ZNF804A: variants seen among roughly 807,000 people sequenced by gnomAD.
The protein encoded by ZNF804A is zinc finger protein 804A.
In ZNF804A, 2 loss-of-function variants were observed where a neutral mutation model predicts 16.5. The ratio of observed to expected loss-of-function variants is 0.12; its 90% CI spans 0.05 to 0.38. The LOEUF is 0.38. ZNF804A is among the 10% of genes least tolerant of loss of function. The probability of loss-of-function intolerance (pLI) is 0.99; values close to 1 mark genes in which losing one functional copy is unlikely to be tolerated. For missense variants in ZNF804A, 1,473 were observed against 1,390.7 expected (o/e 1.06, Z -0.94); for synonymous variants, 534 against 489.6 (o/e 1.09, Z -1.20).
intron 2 of ZNF804A, among the ~76,000 whole-genome samples, chr2:184,908,439 T>C (rs918544104): frequency 3.9e-5 from 6 of 152,162 alleles, no homozygotes; most frequent in African/African-American, 1.4e-4. Context: ...GACAATATTC[T>C]TCTTTTAAGG....
intron 1 of ZNF804A, among the ~76,000 whole-genome samples, chr2:184,618,182 A>G (rs1691356563): frequency 6.6e-6 from 1 of 152,234 alleles, no homozygotes; most frequent in Admixed American, 6.5e-5. Flanking sequence ...AAATCATTCA[A>G]TATTGCCTCC....
intron 1 of ZNF804A, among the ~76,000 whole-genome samples, chr2:184,609,201 T>C (rs192097946): frequency 1.9e-4 from 29 of 152,232 alleles, no homozygotes; most frequent in African/African-American, 6.7e-4. Context: ...TAGGATAAAA[T>C]TGGTTCTGAC....
At chr2:184,664,044 T>C (rs190669857) in intron 1 of ZNF804A, among the ~76,000 whole-genome samples, 2 of 152,358 alleles carry the variant, frequency 1.3e-5, no homozygotes, top group East Asian at 3.9e-4. Flanking sequence ...GGCTTGAATA[T>C]ATACTTTGTC....
At chr2:184,884,069 G>C (rs1421541962) in intron 2 of ZNF804A, among the ~76,000 whole-genome samples, 2 of 152,024 alleles carry the variant, frequency 1.3e-5, no homozygotes, top group Non-Finnish European at 2.9e-5. Context: ...CATAGTCTCT[G>C]CCCCAAAGCT....
chr2:184,718,322 G>T (rs1262108547), intron 1 of ZNF804A, among the ~76,000 whole-genome samples: 2 of 152,058 alleles, frequency 1.3e-5, no homozygotes, highest in African/African-American at 4.8e-5. Flanking sequence ...TGAGATTTGG[G>T]TGGGGACACA....
intron 1 of ZNF804A, among the ~76,000 whole-genome samples, chr2:184,660,956 G>A (rs964002060): frequency 1.3e-5 from 2 of 152,202 alleles, no homozygotes; most frequent in Non-Finnish European, 2.9e-5. Flanking sequence ...CCTTCCAGAA[G>A]TAGTTTGAAC....
At chr2:184,745,795 G>A (rs1023252189) in intron 1 of ZNF804A, among the ~76,000 whole-genome samples, 2 of 151,400 alleles carry the variant, frequency 1.3e-5, no homozygotes, top group Non-Finnish European at 3.0e-5. Context: ...GTGCCTTTAT[G>A]CCCTAGCATA....
At chr2:184,871,341 A>G (rs1300103362) in intron 2 of ZNF804A, among the ~76,000 whole-genome samples, 1 of 151,582 alleles carries the variant, frequency 6.6e-6, no homozygotes, top group Non-Finnish European at 1.5e-5. Flanking sequence ...GCAGTTGGTA[A>G]ACTCTGATGA....
At chr2:184,867,750 A>G (rs1156582568) in intron 2 of ZNF804A, among the ~76,000 whole-genome samples, 1 of 152,106 alleles carries the variant, frequency 6.6e-6, no homozygotes, top group Admixed American at 6.6e-5. Context: ...AGGAAATGGT[A>G]TTATTTTGTG....
chr2:184,814,918 C>A (rs929840845), intron 1 of ZNF804A, among the ~76,000 whole-genome samples: 1 of 151,988 alleles, frequency 6.6e-6, no homozygotes, highest in South Asian at 2.1e-4. Flanking sequence ...TTTTAAATAC[C>A]TGTAGCCCTT....
chr2:184,924,903 T>C (rs1453735242), intron 2 of ZNF804A, among the ~76,000 whole-genome samples: 1 of 151,978 alleles, frequency 6.6e-6, no homozygotes, highest in African/African-American at 2.4e-5. Context: ...TCAGAGAAGA[T>C]GCTTGATATT....
chr2:184,865,711 A>T (rs1695869119), intron 1 of ZNF804A, among the ~76,000 whole-genome samples: 1 of 152,142 alleles, frequency 6.6e-6, no homozygotes, highest in Admixed American at 6.5e-5. Context: ...ATTTACTGTG[A>T]GTATGATGAA....
At chr2:184,685,911 A>G (rs1692621373) in intron 1 of ZNF804A, among the ~76,000 whole-genome samples, 1 of 152,224 alleles carries the variant, frequency 6.6e-6, no homozygotes, top group Non-Finnish European at 1.5e-5. Context: ...GGGTGCCTGC[A>G]GGCCTGTGCC....
At chr2:184,932,174 T>A (rs965726005) in intron 2 of ZNF804A, among the ~76,000 whole-genome samples, 4 of 152,124 alleles carry the variant, frequency 2.6e-5, no homozygotes, top group Non-Finnish European at 1.5e-5. Flanking sequence ...CCCTCCACAC[T>A]GTTCCAACCT....
intron 1 of ZNF804A, among the ~76,000 whole-genome samples, chr2:184,676,062 C>G (rs1692424032): frequency 1.3e-5 from 2 of 151,672 alleles, no homozygotes; most frequent in South Asian, 4.1e-4. Flanking sequence ...ATTATTTTCA[C>G]ATTTACATGA....
Position 184,680,983 on chromosome 2 carries a change from C to G in ZNF804A, c.111+81913C>G, listed in dbSNP as rs535017105. Among the ~76,000 whole-genome samples the G allele has an allele frequency of 2.4e-4, 37 of 152,358 alleles. No homozygotes were observed. In the East Asian group the frequency reaches 6.9e-3, roughly 29 times the overall value. ...GGTCCAGCTGCAGCCTCATAGGGAG[C>G]CTGCACCTGTGCTGGCACCTGGAGC... On this transcript the variant is annotated intron_variant, in intron 1 of 3. Transcript: ENST00000302277.
At chr2:184,890,305 C>T (rs768983649) in intron 2 of ZNF804A, among the ~76,000 whole-genome samples, 1 of 152,118 alleles carries the variant, frequency 6.6e-6, no homozygotes, top group Non-Finnish European at 1.5e-5. Flanking sequence ...TGTTAACCCC[C>T]AACTTTATTT....
intron 1 of ZNF804A, among the ~76,000 whole-genome samples, chr2:184,618,050 A>G (rs1221526608): frequency 6.6e-6 from 1 of 152,046 alleles, no homozygotes; most frequent in Non-Finnish European, 1.5e-5. Flanking sequence ...TAACATATGT[A>G]TATTTATATT....
intron 1 of ZNF804A, among the ~76,000 whole-genome samples, chr2:184,733,800 CAT>C: frequency 6.6e-6 from 1 of 152,170 alleles, no homozygotes; most frequent in Middle Eastern, 3.4e-3. Context: ...AACTTGTGGA[CAT>C]AAATTTATTC....
Sources: gnomAD v4.1 joint callset for allele counts (sites outside exome capture counted in the v4.1 genomes callset) on GRCh38, gnomAD v4.1.1 for gene constraint, MANE v1.5 for transcripts, NCBI Gene and HGNC (gene_info 2026-07-23, HGNC 2026-07-21) for gene names.